Variants in ABCC9 observed in about 807,000 individuals in gnomAD.
ABCC9 encodes the protein ATP-binding cassette sub-family C member 9.
In ABCC9, 95 loss-of-function variants were observed where a neutral mutation model predicts 188.3. The observed-to-expected ratio is 0.50, with a 90% CI of 0.43 to 0.60. ABCC9 has a LOEUF of 0.60. Among genes scored for constraint, ABCC9 ranks in the 20% least tolerant of loss-of-function variants. The probability of loss-of-function intolerance (pLI) is 0.00; values close to 1 mark genes in which losing one functional copy is unlikely to be tolerated. For synonymous variants in ABCC9, 659 were observed against 652.7 expected, an observed-to-expected ratio of 1.01 and a Z score of -0.15; for missense variants, 1,102 against 1,876.3, an observed-to-expected ratio of 0.59 and a Z score of 7.62.
intron 30 of ABCC9, among the ~76,000 whole-genome samples, chr12:21,830,394 C>T (rs576210234): frequency 5.9e-5 from 9 of 152,288 alleles, no homozygotes; most frequent in South Asian, 4.1e-4. Flanking sequence ...TCTGCAGCCA[C>T]GGCTTGTCTT....
chr12:21,818,105 C>T (rs757523216), intron 32 of ABCC9, 45 bp downstream of exon 32: 28 of 1,343,350 alleles, frequency 2.1e-5, no homozygotes, highest in South Asian at 2.0e-4. Flanking sequence ...TGAGAACATG[C>T]GGTGTTTGGT....
chr12:21,845,438 T>G (rs1429096398), intron 26 of ABCC9, among the ~76,000 whole-genome samples, 165 bp downstream of exon 26: 1 of 152,190 alleles, frequency 6.6e-6, no homozygotes, highest in Non-Finnish European at 1.5e-5. Flanking sequence ...TTTAACATTT[T>G]TGATAGTTTA....
In ABCC9 at chr12:21,798,020, T is replaced by C. The variant is rs1764789461; in HGVS notation, c.*3024A>G. 1 of 152,248 alleles carries C rather than the reference T, an allele frequency of 6.6e-6. No individual in the cohort carries two copies. The highest frequency in any genetic ancestry group is 1.5e-5 in the Non-Finnish European group (1 of 68,046). The allele number at this position is 152,248 out of a possible 1,614,324, so 9.4% of individuals were successfully genotyped here. Reference sequence around the variant, plus strand: ...TATATTCAATAGATTATATGTATAATAAATGGTTAATCAATGAAAAACATT... The same window carrying C: ...TATATTCAATAGATTATATGTATAACAAATGGTTAATCAATGAAAAACATT... On this transcript the variant is annotated 3_prime_UTR_variant, in exon 40 of 40. Coordinates refer to ENST00000261200, the MANE Select transcript of ABCC9 (RefSeq NM_020297.4).
intron 24 of ABCC9, among the ~76,000 whole-genome samples, chr12:21,849,268 T>C (rs987844505): frequency 4.6e-5 from 7 of 151,762 alleles, no homozygotes; most frequent in African/African-American, 1.5e-4. Context: ...CCTTGGTTGA[T>C]TTTTTTTGGC....
At chr12:21,832,274 C>T (rs1291201589) in intron 30 of ABCC9, among the ~76,000 whole-genome samples, 2 of 152,044 alleles carry the variant, frequency 1.3e-5, no homozygotes, top group Non-Finnish European at 2.9e-5. Flanking sequence ...GTGAGTACAC[C>T]ACGAACCCTC....
chr12:21,803,591 G>T (rs1225621793), intron 39 of ABCC9, among the ~76,000 whole-genome samples: 6 of 149,552 alleles, frequency 4.0e-5, no homozygotes, highest in African/African-American at 1.2e-4. Context: ...GAAGGCGGAG[G>T]TTGCGGTGAG....
At chr12:21,928,451 A>G (rs1949138325) in intron 4 of ABCC9, among the ~76,000 whole-genome samples, 1 of 148,814 alleles carries the variant, frequency 6.7e-6, no homozygotes, top group Admixed American at 6.7e-5. Flanking sequence ...AAAAGAAGGG[A>G]GGGAGGAAGA....
At chr12:21,903,715 A>G (rs997788468) in intron 12 of ABCC9, among the ~76,000 whole-genome samples, 27 of 152,162 alleles carry the variant, frequency 1.8e-4, no homozygotes, top group African/African-American at 6.0e-4. Flanking sequence ...TAGAAATACA[A>G]CCTACAAGGG....
chr12:21,843,441 T>A (rs1394041341), intron 28 of ABCC9, among the ~76,000 whole-genome samples: 1 of 152,162 alleles, frequency 6.6e-6, no homozygotes, highest in East Asian at 1.9e-4. Context: ...ATAGGGAAAT[T>A]CTTTCTCTGT....
chr12:21,824,033 TA>T (rs1565703476), intron 31 of ABCC9, among the ~76,000 whole-genome samples: 1 of 152,222 alleles, frequency 6.6e-6, no homozygotes, highest in Non-Finnish European at 1.5e-5. Context: ...AGATCTTCCA[TA>T]GGGAAAACTA....
chr12:21,861,230 C>CATTTTT (rs1350257236), intron 20 of ABCC9, among the ~76,000 whole-genome samples, 175 bp from the exon 21 acceptor site: 1 of 146,670 alleles, frequency 6.8e-6, no homozygotes. Context: ...ACTTCCCCCC[C>CATTTTT]CTTTTTTTTT....
In ABCC9 at chr12:21,915,904, C is replaced by T. The variant is rs745776787; in HGVS notation, c.580G>A (p.Val194Ile). Residue 194 changes from valine to isoleucine, a missense_variant, in exon 7 of 40, where the codon GTA (valine) becomes ATA (isoleucine). Val to Ile is a conservative substitution (Grantham distance 29). Transcript: ENST00000261200. Reference protein sequence around the residue: ...EINVIRVRRYVFFMNPQKVKP... With the variant: ...EINVIRVRRYIFFMNPQKVKP... Reference sequence around the variant, plus strand: ...ACTTTCTGAGGATTCATGAAAAATACATATCTCTGTGGCAAGAAAAATTCC... The same window carrying T: ...ACTTTCTGAGGATTCATGAAAAATATATATCTCTGTGGCAAGAAAAATTCC... 3.7e-6 allele frequency: 6 copies of T among 1,612,102 alleles called. No homozygotes were observed. In the South Asian group the frequency reaches 5.5e-5, roughly 15 times the overall value.
chr12:21,906,069 T>C, intron 12 of ABCC9, 57 bp downstream of exon 12: 1 of 1,531,230 alleles, frequency 6.5e-7, no homozygotes, highest in Non-Finnish European at 9.0e-7. Context: ...CTGAATAGAC[T>C]GTTGGTTATT....
intron 19 of ABCC9, among the ~76,000 whole-genome samples, chr12:21,864,092 A>C (rs1945662868): frequency 6.6e-6 from 1 of 151,800 alleles, no homozygotes; most frequent in South Asian, 2.1e-4. Context: ...TACCTTACAG[A>C]TGGATCCCAT....
At chr12:21,861,104 C>T (rs1232595067) in intron 20 of ABCC9, 49 bp from the exon 21 acceptor site, 2 of 1,455,882 alleles carry the variant, frequency 1.4e-6, no homozygotes, top group South Asian at 2.3e-5. Flanking sequence ...AATACATTGT[C>T]CATAAACTAA....
intron 5 of ABCC9, chr12:21,925,619 G>T: frequency 1.5e-6 from 1 of 664,830 alleles, no homozygotes; most frequent in South Asian, 1.6e-5. Context: ...CAAGAGCTCT[G>T]ATTCTTAAAA....
intron 35 of ABCC9, among the ~76,000 whole-genome samples, chr12:21,812,686 C>G (rs1226727901): frequency 6.6e-6 from 1 of 151,970 alleles, no homozygotes; most frequent in Non-Finnish European, 1.5e-5. Context: ...ACATCACACA[C>G]TGGGGCCTCT....
At position 21,817,261 on chromosome 12, in the gene ABCC9, TC is replaced by T. The variant is rs1201926553; in HGVS notation, c.3817del (p.Glu1273ArgfsTer7). The T allele has an allele frequency of 6.2e-7, 1 of 1,613,842 alleles. No individual in the cohort carries two copies. On this transcript the variant is annotated frameshift_variant, in exon 33 of 40. Coordinates refer to ENST00000261200, the MANE Select transcript of ABCC9 (RefSeq NM_020297.4). LOFTEE classifies it high-confidence loss of function. ...CTTCTTCACTGCACCCATCTGGACCTCCAGGTCAGCCAAGTTCCTCACAACC... is the reference window on the plus strand; with the variant it reads ...CTTCTTCACTGCACCCATCTGGACCTCAGGTCAGCCAAGTTCCTCACAACC... The part of the protein sequence containing the change: ...NWVVRNLADL[E>X]VQMGAVKKVN...
In ABCC9 at chr12:21,913,050, T is replaced by C; in HGVS notation, c.833A>G (p.His278Arg). The change falls in exon 8 of 40, where the codon CAT becomes CGT. Residue 278 changes from histidine to arginine, a missense_variant. Around this residue, in one of 12 missense-constraint regions of ABCC9, gnomAD observed 305 missense variants for 573.0 expected, o/e 0.53. Coordinates refer to ENST00000261200, the MANE Select transcript of ABCC9 (RefSeq NM_020297.4). ...CCATATAGATGGAGTCCGATTTGGATGATCTGCAACTTTTTTCTGAAGAAA... is the reference window on the plus strand; with the variant it reads ...CCATATAGATGGAGTCCGATTTGGACGATCTGCAACTTTTTTCTGAAGAAA... ...YEEQKKKVAD[H>R]PNRTPSIWLA... is the part of the protein sequence containing the mutation. 3 of 1,600,120 alleles carry C rather than the reference T, an allele frequency of 1.9e-6. No individual in the cohort carries two copies. The highest frequency in any genetic ancestry group is 2.6e-6 in the Non-Finnish European group (3 of 1,176,248).
Sources: allele counts gnomAD v4.1 joint callset (sites outside exome capture counted in the v4.1 genomes callset), GRCh38; gene constraint gnomAD v4.1.1; regional missense constraint gnomAD v4.1.1; transcripts MANE v1.5; gene names NCBI Gene and HGNC (gene_info 2026-07-23, HGNC 2026-07-21).